ROR2: variants seen among roughly 807,000 people sequenced by gnomAD.
ROR2 encodes the protein ROR family WNT receptor 2.
Under a neutral mutation model 74.9 loss-of-function variants are expected in ROR2, and 33 were observed. That is an observed-to-expected ratio of 0.44 (90% CI 0.33 to 0.59). The LOEUF is 0.59. ROR2 is among the 20% of genes least tolerant of loss of function. The pLI, the probability that ROR2 is intolerant of heterozygous loss-of-function variation, is 0.02. For synonymous variants in ROR2, 586 were observed against 558.7 expected (o/e 1.05, Z -0.69); for missense variants, 1,216 against 1,313.8 (o/e 0.93, Z 1.15).
chr9:91,838,074 A>G (rs915876570), intron 1 of ROR2, among the ~76,000 whole-genome samples: 6 of 152,126 alleles, frequency 3.9e-5, no homozygotes, highest in Non-Finnish European at 7.4e-5. Flanking sequence ...CTGGGAGTTT[A>G]TTTAGGGATT....
rs953032206 is a variant in ROR2, at chr9:91,949,015, C to G, written c.97+852G>C. ...TCCTCTGCGCCCCGGATCCAAGCAGCCGAAACCGCGCAGGGACTCGGGGGA... is the reference window on the plus strand; with the variant it reads ...TCCTCTGCGCCCCGGATCCAAGCAGGCGAAACCGCGCAGGGACTCGGGGGA... On this transcript the variant is annotated intron_variant, in intron 1 of 8. Transcript: ENST00000375708. The G allele has an allele frequency of 6.0e-6, 5 of 836,912 alleles. No individual in the cohort carries two copies. In the African/African-American group the frequency reaches 9.2e-5, roughly 15 times the overall value. The allele number at this position is 836,912 out of a possible 1,614,324, so 51.8% of individuals were successfully genotyped here.
chr9:91,880,487 A>C (rs560704006), intron 1 of ROR2, among the ~76,000 whole-genome samples: 6 of 152,362 alleles, frequency 3.9e-5, no homozygotes, highest in Admixed American at 1.3e-4. Flanking sequence ...GCACACTAAT[A>C]CAAGTAAATC....
At chr9:91,863,043 C>T (rs142709926) in intron 1 of ROR2, among the ~76,000 whole-genome samples, 63 of 152,284 alleles carry the variant, frequency 4.1e-4, no homozygotes, top group Middle Eastern at 3.4e-3. Flanking sequence ...CCTACTAGTT[C>T]GCTTATAATA....
intron 1 of ROR2, among the ~76,000 whole-genome samples, chr9:91,931,555 A>G (rs1198378124): frequency 6.6e-6 from 1 of 152,180 alleles, no homozygotes; most frequent in East Asian, 1.9e-4. Flanking sequence ...TATATAACCA[A>G]TGAAGTTGCT....
chr9:91,931,725 T>C (rs375945390), intron 1 of ROR2, among the ~76,000 whole-genome samples: 1 of 152,192 alleles, frequency 6.6e-6, no homozygotes, highest in Non-Finnish European at 1.5e-5. Flanking sequence ...AAATTTCTTC[T>C]TGTCTTGCAG....
intron 1 of ROR2, among the ~76,000 whole-genome samples, chr9:91,896,617 A>G (rs1043470237): frequency 2.0e-5 from 3 of 152,200 alleles, no homozygotes; most frequent in African/African-American, 7.2e-5. Context: ...ACTGGACACC[A>G]AGAAATAAGA....
chr9:91,773,088 A>ACAGC (rs1480590802), intron 2 of ROR2, among the ~76,000 whole-genome samples: 1 of 152,172 alleles, frequency 6.6e-6, no homozygotes, highest in Non-Finnish European at 1.5e-5. Context: ...CACTTAAAGA[A>ACAGC]CAGCTCCCAT....
intron 1 of ROR2, among the ~76,000 whole-genome samples, chr9:91,851,792 G>C (rs7864311): frequency 6.6e-6 from 1 of 151,740 alleles, no homozygotes; most frequent in Non-Finnish European, 1.5e-5. Flanking sequence ...GTGGCCAACA[G>C]AGCGAAACCC....
chr9:91,828,784 G>A (rs148620746), intron 1 of ROR2, among the ~76,000 whole-genome samples: 3 of 152,224 alleles, frequency 2.0e-5, no homozygotes, highest in East Asian at 1.9e-4. Context: ...CCATTAGCTC[G>A]CCCCTTGTTT....
intron 1 of ROR2, among the ~76,000 whole-genome samples, chr9:91,897,701 G>A (rs534022846): frequency 3.0e-4 from 46 of 152,254 alleles, no homozygotes; most frequent in African/African-American, 1.0e-3. Context: ...TCTCACAAAG[G>A]GGCCTGGGGA....
At chr9:91,936,859 T>C (rs1366836473) in intron 1 of ROR2, among the ~76,000 whole-genome samples, 1 of 150,122 alleles carries the variant, frequency 6.7e-6, no homozygotes. Context: ...TGAAACCCCG[T>C]CTCTACTAAA....
At chr9:91,851,441 T>A (rs1014479254) in intron 1 of ROR2, among the ~76,000 whole-genome samples, 6 of 152,220 alleles carry the variant, frequency 3.9e-5, no homozygotes, top group Non-Finnish European at 7.3e-5. Context: ...TCTCTTCTTT[T>A]GATCTATTTG....
intron 1 of ROR2, among the ~76,000 whole-genome samples, chr9:91,820,321 T>C (rs1440993907): frequency 6.6e-6 from 1 of 152,146 alleles, no homozygotes; most frequent in Non-Finnish European, 1.5e-5. Flanking sequence ...GGATGCCCTC[T>C]ACAAGTCAGC....
chr9:91,861,435 G>A (rs1458767082), intron 1 of ROR2, among the ~76,000 whole-genome samples: 2 of 152,246 alleles, frequency 1.3e-5, no homozygotes, highest in African/African-American at 4.8e-5. Context: ...GAGTGGAATG[G>A]AGGTCCAGAA....
In ROR2 at chr9:91,815,401, G is replaced by C. The variant is rs77580188; in HGVS notation, c.98-39583C>G. 8.2e-4 allele frequency among the ~76,000 whole-genome samples: 124 copies of C among 152,136 alleles called. 1 individual carries two copies. In the East Asian group the frequency reaches 0.023, roughly 28 times the overall value. On this transcript the variant is annotated intron_variant, in intron 1 of 8. Transcript: ENST00000375708. ...TCATTCATAATAAAAGTTGTCACAT[G>C]GTTTGAAAAATAAACTTTAAAGGCA... is the stretch of plus-strand genomic sequence containing the variant.
At chr9:91,942,581 A>T (rs1294662474) in intron 1 of ROR2, among the ~76,000 whole-genome samples, 2 of 151,350 alleles carry the variant, frequency 1.3e-5, no homozygotes. Context: ...CACCCCTCCC[A>T]CTTAGGTTTT....
chr9:91,817,439 C>A (rs923827165), intron 1 of ROR2, among the ~76,000 whole-genome samples: 1 of 152,216 alleles, frequency 6.6e-6, no homozygotes, highest in Non-Finnish European at 1.5e-5. Context: ...GTCTCTACCT[C>A]AAGGCACCAG....
intron 1 of ROR2, among the ~76,000 whole-genome samples, chr9:91,888,089 C>T (rs1023062362): frequency 2.6e-5 from 4 of 152,166 alleles, no homozygotes; most frequent in Non-Finnish European, 4.4e-5. Flanking sequence ...CATGCCCAGC[C>T]TCCATAACAC....
chr9:91,939,204 T>A (rs962866431), intron 1 of ROR2, among the ~76,000 whole-genome samples: 1 of 151,826 alleles, frequency 6.6e-6, no homozygotes, highest in African/African-American at 2.4e-5. Context: ...GAGCCAAGAT[T>A]GCGCCACTGC....
Sources: allele counts gnomAD v4.1 joint callset (sites outside exome capture counted in the v4.1 genomes callset), GRCh38; gene constraint gnomAD v4.1.1; transcripts MANE v1.5; gene names NCBI Gene and HGNC (gene_info 2026-07-23, HGNC 2026-07-21).